The following CALN1 variants were observed in gnomAD, a reference collection of about 807,000 sequenced individuals.
CALN1 encodes the protein calneuron 1.
In CALN1, 17 loss-of-function variants were observed where a neutral mutation model predicts 30.6. The ratio of observed to expected loss-of-function variants is 0.56; its 90% confidence interval spans 0.38 to 0.83. The LOEUF (loss-of-function observed/expected upper bound fraction) is 0.83. CALN1 is among the 40% of genes least tolerant of loss of function. The pLI, the probability that CALN1 is intolerant of heterozygous loss-of-function variation, is 0.00. For missense variants in CALN1, 291 were observed against 354.9 expected (o/e 0.82, Z 1.45); for synonymous variants, 156 against 131.4 (o/e 1.19, Z -1.28).
chr7:72,166,298 C>G (rs1157454476), intron 3 of CALN1, among the ~76,000 whole-genome samples: 2 of 152,172 alleles, frequency 1.3e-5, no homozygotes, highest in South Asian at 2.1e-4. Flanking sequence ...AACTCCTAGG[C>G]TCAAGCAATC....
chr7:71,788,478 G>GTTTTTTTTT (rs71092906), intron 6 of CALN1, among the ~76,000 whole-genome samples: 13 of 141,832 alleles, frequency 9.2e-5, no homozygotes, highest in African/African-American at 3.2e-4. Context: ...TTACTAAGAG[G>GTTTTTTTTT]TTTTTTTTTG....
At position 72,335,970 on chromosome 7, in the gene CALN1, A is replaced by G. The variant is rs1002811183; in HGVS notation, c.120-57160T>C. 3.9e-5 allele frequency among the ~76,000 whole-genome samples: 6 copies of G among 152,160 alleles called. No homozygotes were observed. The South Asian group carries it at 1.2e-3, about 31-fold the overall frequency. ...GCTGCGCTAGTCCGGAGAAACTAGG[A>G]ACCCGAGTAAACCCAGACTGTCCGG... is the stretch of plus-strand genomic sequence containing the variant. On this transcript the variant is annotated intron_variant, in intron 2 of 6. Transcript: ENST00000395275.
At chr7:71,970,209 A>T (rs1201971553) in intron 5 of CALN1, among the ~76,000 whole-genome samples, 1 of 152,134 alleles carries the variant, frequency 6.6e-6, no homozygotes, top group Non-Finnish European at 1.5e-5. Flanking sequence ...GAAAAGACAG[A>T]GTTTCTAGGC....
At chr7:72,315,131 C>T (rs1375617597) in intron 2 of CALN1, among the ~76,000 whole-genome samples, 2 of 151,998 alleles carry the variant, frequency 1.3e-5, no homozygotes, top group Non-Finnish European at 2.9e-5. Context: ...GCCTAGGTGA[C>T]AGAGTGAGAC....
chr7:72,406,055 T>G (rs931237330), intron 1 of CALN1, among the ~76,000 whole-genome samples: 2 of 152,200 alleles, frequency 1.3e-5, no homozygotes, highest in Non-Finnish European at 2.9e-5. Flanking sequence ...TCGCTCCTGC[T>G]GCTCAGCTGG....
intron 3 of CALN1, among the ~76,000 whole-genome samples, chr7:72,210,113 G>T (rs1792287202): frequency 6.6e-6 from 1 of 152,028 alleles, no homozygotes; most frequent in African/African-American, 2.4e-5. Flanking sequence ...AAGGACAACT[G>T]CAGGGACACA....
intron 5 of CALN1, among the ~76,000 whole-genome samples, chr7:71,930,012 G>T (rs1795466371): frequency 6.6e-6 from 1 of 152,166 alleles, no homozygotes; most frequent in Non-Finnish European, 1.5e-5. Flanking sequence ...CTACGCACAT[G>T]TTCCTGTATA....
intron 3 of CALN1, among the ~76,000 whole-genome samples, chr7:72,154,134 T>A (rs1787477130): frequency 6.6e-6 from 1 of 151,764 alleles, no homozygotes; most frequent in Non-Finnish European, 1.5e-5. Context: ...AGGCTGGGAT[T>A]GGGAAAATAG....
At chr7:72,299,202 C>T (rs1585405225) in intron 2 of CALN1, among the ~76,000 whole-genome samples, 2 of 152,124 alleles carry the variant, frequency 1.3e-5, no homozygotes, top group African/African-American at 4.8e-5. Flanking sequence ...TAATTTCCTC[C>T]TTTTATTCTT....
intron 2 of CALN1, among the ~76,000 whole-genome samples, chr7:72,291,895 A>T (rs1798502781): frequency 6.6e-6 from 1 of 151,992 alleles, no homozygotes; most frequent in African/African-American, 2.4e-5. Context: ...TACAGACATG[A>T]GCCACCGAGC....
chr7:72,384,844 C>T (rs749375475), intron 2 of CALN1, among the ~76,000 whole-genome samples: 10 of 151,824 alleles, frequency 6.6e-5, no homozygotes, highest in Non-Finnish European at 1.2e-4. Flanking sequence ...TAAAAAGATA[C>T]TTTTAAGAGA....
At chr7:71,923,889 C>G (rs1428191431) in intron 5 of CALN1, among the ~76,000 whole-genome samples, 1 of 152,048 alleles carries the variant, frequency 6.6e-6, no homozygotes, top group Non-Finnish European at 1.5e-5. Flanking sequence ...CAGAAGTTTG[C>G]AGTCCAAGAT....
At chr7:72,481,536 T>G in the CALN1 span, among the ~76,000 whole-genome samples, 5 of 152,240 alleles carry the variant, frequency 3.3e-5, no homozygotes, top group African/African-American at 2.4e-5. Context: ...CTCTTCATTT[T>G]CTAGTGTCTC....
intron 2 of CALN1, among the ~76,000 whole-genome samples, chr7:72,359,491 A>C (rs1329168398): frequency 6.6e-6 from 1 of 152,190 alleles, no homozygotes; most frequent in Non-Finnish European, 1.5e-5. Flanking sequence ...TTCACTTGAC[A>C]AGGTACTACT....
chr7:72,289,069 T>C (rs968011769), intron 2 of CALN1, among the ~76,000 whole-genome samples: 1 of 152,238 alleles, frequency 6.6e-6, no homozygotes, highest in Admixed American at 6.5e-5. Flanking sequence ...TTATGAAGGT[T>C]AACCTAGTAG....
At chr7:71,969,449 G>A (rs2129526228) in intron 5 of CALN1, among the ~76,000 whole-genome samples, 1 of 152,202 alleles carries the variant, frequency 6.6e-6, no homozygotes, top group Middle Eastern at 3.4e-3. Context: ...AAGGTACAGT[G>A]TACATAACCG....
At chr7:72,336,068 C>T (rs1371195940) in intron 2 of CALN1, among the ~76,000 whole-genome samples, 3 of 152,192 alleles carry the variant, frequency 2.0e-5, no homozygotes, top group Non-Finnish European at 2.9e-5. Context: ...TAGGTCCCAG[C>T]CGGACTGCAG....
At chr7:72,382,254 G>A (rs1029626815) in intron 2 of CALN1, among the ~76,000 whole-genome samples, 7 of 152,164 alleles carry the variant, frequency 4.6e-5, no homozygotes, top group African/African-American at 1.7e-4. Context: ...TTTTCTGTCA[G>A]TGCAAGACAT....
chr7:71,973,423 G>A (rs780044288), intron 5 of CALN1, among the ~76,000 whole-genome samples: 1 of 152,128 alleles, frequency 6.6e-6, no homozygotes, highest in African/African-American at 2.4e-5. Context: ...TGTTCCATCC[G>A]TCTCGGCCTC....
Sources: gnomAD v4.1 joint callset for allele counts (sites outside exome capture counted in the v4.1 genomes callset) on GRCh38, gnomAD v4.1.1 for gene constraint, MANE v1.5 for transcripts, NCBI Gene and HGNC (gene_info 2026-07-23, HGNC 2026-07-21) for gene names.